LYSET: variants seen among roughly 807,000 people sequenced by gnomAD.
The protein encoded by LYSET is GNPTAB cleavage and activity factor.
the LYSET span, chr14:93,185,365 G>C: frequency 2.5e-6 from 4 of 1,600,190 alleles, no homozygotes; most frequent in Non-Finnish European, 2.6e-6. Context: ...TCTCCTAGCC[G>C]GGTGACCCAG....
chr14:93,186,908 C>G, the LYSET span: 2 of 463,230 alleles, frequency 4.3e-6, no homozygotes, highest in Non-Finnish European at 7.8e-6. Context: ...TAAATCATGT[C>G]TGTTATTTGC....
chr14:93,185,169 G>T, the LYSET span: 1 of 176,384 alleles, frequency 5.7e-6, no homozygotes, highest in Admixed American at 6.3e-5. Context: ...TGCCGGCGCT[G>T]CAGCGCGGCA....
chr14:93,187,317 T>C, the LYSET span, among the ~76,000 whole-genome samples: 770 of 152,266 alleles, frequency 5.1e-3, 4 homozygotes, highest in African/African-American at 0.018. Flanking sequence ...GAGAATGGGG[T>C]CTCGCTATGT....
At chr14:93,187,337 A>G in the LYSET span, among the ~76,000 whole-genome samples, 1 of 151,886 alleles carries the variant, frequency 6.6e-6, no homozygotes, top group South Asian at 2.1e-4. Flanking sequence ...TTGCCCAGGC[A>G]GGTCTCGAAC....
chr14:93,185,920 G>A, the LYSET span, among the ~76,000 whole-genome samples: 1 of 150,156 alleles, frequency 6.7e-6, no homozygotes, highest in East Asian at 1.9e-4. Context: ...CCAGGCTGGA[G>A]TGCAGTGGCG....
chr14:93,185,038 A>T, the LYSET span: 1 of 150,302 alleles, frequency 6.7e-6, no homozygotes, highest in Non-Finnish European at 1.5e-5. Flanking sequence ...GGAAGGTGAG[A>T]TCCGGGACCT....
the LYSET span, chr14:93,185,375 G>A: frequency 6.2e-7 from 1 of 1,609,306 alleles, no homozygotes. Flanking sequence ...GGGTGACCCA[G>A]GGGATTTATT....
At chr14:93,186,165 G>C in the LYSET span, 1 of 1,302,996 alleles carries the variant, frequency 7.7e-7, no homozygotes, top group Middle Eastern at 1.9e-4. Flanking sequence ...CACCGCGCCC[G>C]GCCTAGAATT....
the LYSET span, chr14:93,185,538 C>T: frequency 6.9e-6 from 10 of 1,446,966 alleles, no homozygotes; most frequent in Admixed American, 1.4e-4. Context: ...TGTAGCACCC[C>T]GCGTTCACGT....
At chr14:93,186,198 T>C in the LYSET span, 1 of 1,469,186 alleles carries the variant, frequency 6.8e-7, no homozygotes, top group Middle Eastern at 1.8e-4. Flanking sequence ...GCAAGTACAT[T>C]TGGAGTAGTT....
the LYSET span, among the ~76,000 whole-genome samples, chr14:93,186,086 G>GT: frequency 6.6e-6 from 1 of 151,768 alleles, no homozygotes; most frequent in African/African-American, 2.4e-5. Context: ...AGCCAGGATG[G>GT]TCTCTATCAC....
At chr14:93,186,329 A>G in the LYSET span, 1 of 1,614,194 alleles carries the variant, frequency 6.2e-7, no homozygotes, top group Admixed American at 1.7e-5. Context: ...TGTATCTGTT[A>G]GCCAGTGCAG....
the LYSET span, among the ~76,000 whole-genome samples, chr14:93,188,379 T>C: frequency 2.0e-5 from 3 of 152,192 alleles, no homozygotes; most frequent in Non-Finnish European, 4.4e-5. Flanking sequence ...AGTAGGTTAA[T>C]TACATGAAGA....
the LYSET span, among the ~76,000 whole-genome samples, chr14:93,187,846 A>AG: frequency 6.6e-6 from 1 of 151,574 alleles, no homozygotes; most frequent in Non-Finnish European, 1.5e-5. Context: ...ACAGGGTTGC[A>AG]GCATGTTGGC....
the LYSET span, chr14:93,186,291 C>T: frequency 1.2e-6 from 2 of 1,613,574 alleles, no homozygotes; most frequent in Non-Finnish European, 1.7e-6. Flanking sequence ...GAACTTCCGT[C>T]AGCGGATGGG....
At chr14:93,185,463 A>T in the LYSET span, 1 of 1,612,622 alleles carries the variant, frequency 6.2e-7, no homozygotes, top group African/African-American at 1.3e-5. Flanking sequence ...TGCCGTGGGA[A>T]CAGGAAGATT....
the LYSET span, chr14:93,186,214 G>GGAATTCTTGGAGATAAAGCAAGT: frequency 1.3e-6 from 2 of 1,546,248 alleles, no homozygotes; most frequent in Middle Eastern, 1.7e-4. Context: ...TAGTTGCCGT[G>GGAATTCTTGGAGATAAAGCAAGT]ACAGCATTAC....
the LYSET span, chr14:93,186,504 G>T: frequency 4.3e-6 from 7 of 1,614,016 alleles, no homozygotes; most frequent in Admixed American, 5.0e-5. Context: ...TATTTTTCTG[G>T]TACCTTACTT....
At chr14:93,186,510 T>C in the LYSET span, 1 of 1,614,242 alleles carries the variant, frequency 6.2e-7, no homozygotes, top group South Asian at 1.1e-5. Context: ...TCTGGTACCT[T>C]ACTTACAGAT....
Sources: allele counts gnomAD v4.1 joint callset (sites outside exome capture counted in the v4.1 genomes callset), GRCh38; gene constraint gnomAD v4.1.1; transcripts MANE v1.5; gene names NCBI Gene and HGNC (gene_info 2026-07-23, HGNC 2026-07-21).